HPSE2: variants seen among roughly 807,000 people sequenced by gnomAD.
HPSE2 encodes heparanase 2 (inactive), also known as inactive heparanase-2.
Under a neutral mutation model 60.5 loss-of-function variants are expected in HPSE2, and 38 were observed. The observed-to-expected ratio is 0.63, with a 90% CI of 0.48 to 0.82. The LOEUF (loss-of-function observed/expected upper bound fraction) is 0.82. Among genes scored for constraint, HPSE2 ranks in the 40% least tolerant of loss-of-function variants. The probability of loss-of-function intolerance (pLI) is 0.00; values close to 1 mark genes in which losing one functional copy is unlikely to be tolerated. For missense variants in HPSE2, 713 were observed against 740.4 expected, an observed-to-expected ratio of 0.96 and a Z score of 0.43; for synonymous variants, 295 against 293.2, an observed-to-expected ratio of 1.01 and a Z score of -0.06.
chr10:99,114,809 G>A (rs942751894), intron 3 of HPSE2, among the ~76,000 whole-genome samples: 11 of 151,004 alleles, frequency 7.3e-5, no homozygotes, highest in Non-Finnish European at 1.6e-4. Flanking sequence ...AGCTACTCGG[G>A]AGGCTGAGGC....
At chr10:99,053,539 A>G (rs1006634849) in intron 3 of HPSE2, among the ~76,000 whole-genome samples, 1 of 152,106 alleles carries the variant, frequency 6.6e-6, no homozygotes, top group Non-Finnish European at 1.5e-5. Flanking sequence ...TGTTGGTACT[A>G]CACCAGCCCT....
chr10:98,510,479 T>C (rs1448424454), intron 9 of HPSE2, among the ~76,000 whole-genome samples: 1 of 152,196 alleles, frequency 6.6e-6, no homozygotes, highest in Non-Finnish European at 1.5e-5. Flanking sequence ...CAGTAGAGTG[T>C]GCACTGCTAG....
chr10:98,706,853 C>G (rs1948561529), intron 5 of HPSE2, among the ~76,000 whole-genome samples: 1 of 152,146 alleles, frequency 6.6e-6, no homozygotes, highest in African/African-American at 2.4e-5. Context: ...CCCTTAACAA[C>G]AAGGTACAAG....
rs182481876 is a variant in HPSE2 at position 98,934,166 on chromosome 10, G to A, written c.611-190110C>T. 2.0e-4 allele frequency among the ~76,000 whole-genome samples: 29 copies of A among 144,274 alleles called. 5 individuals are homozygous for A. Among genetic ancestry groups the A allele is most frequent in the East Asian group, 3.9e-4 (2 of 5,096 alleles). 94.6% of individuals were successfully genotyped at this position (144,274 alleles called of 152,430 possible). On this transcript the variant is annotated intron_variant, in intron 3 of 11. Transcript: ENST00000370552. ...ATCCCTTTCTTATGAGTCTATGTGC[G>A]TCTTTGCACATGAGATGTGTCTCTT...
chr10:99,100,428 G>A (rs1843913737), intron 3 of HPSE2, among the ~76,000 whole-genome samples: 1 of 152,152 alleles, frequency 6.6e-6, no homozygotes, highest in Non-Finnish European at 1.5e-5. Context: ...GAAGTGAGAA[G>A]AGAAGTTTAG....
At position 98,487,727 on chromosome 10, in the gene HPSE2, G is replaced by A. The variant is rs920553391; in HGVS notation, c.1466+2324C>T. 4.6e-5 allele frequency among the ~76,000 whole-genome samples: 7 copies of A among 152,152 alleles called. No homozygotes were observed. The South Asian group carries it at 6.2e-4, about 14-fold the overall frequency. ...TGGGACAAATATTTTCAGAGTATTCGTCAAGGTTGAATAGTGTGAATCCAC... is the reference window on the plus strand; with the variant it reads ...TGGGACAAATATTTTCAGAGTATTCATCAAGGTTGAATAGTGTGAATCCAC... On this transcript the variant is annotated intron_variant, in intron 10 of 11. Coordinates refer to ENST00000370552, the MANE Select transcript of HPSE2 (RefSeq NM_021828.5).
the HPSE2 span, among the ~76,000 whole-genome samples, chr10:99,290,501 T>C: frequency 7.9e-5 from 12 of 152,200 alleles, no homozygotes; most frequent in African/African-American, 2.4e-4. Flanking sequence ...ATCCATCTCT[T>C]TACTGGAGAG....
chr10:99,001,545 T>C (rs1956776888), intron 3 of HPSE2, among the ~76,000 whole-genome samples: 1 of 152,080 alleles, frequency 6.6e-6, no homozygotes, highest in East Asian at 1.9e-4. Context: ...TCCAGGTTAG[T>C]AAAAAGAATA....
intron 9 of HPSE2, among the ~76,000 whole-genome samples, chr10:98,551,815 A>G (rs919420961): frequency 6.6e-6 from 1 of 152,220 alleles, no homozygotes; most frequent in African/African-American, 2.4e-5. Flanking sequence ...TAATTGATAC[A>G]GCACTGTATC....
chr10:98,497,288 A>G (rs566176931), intron 9 of HPSE2, among the ~76,000 whole-genome samples: 157 of 152,290 alleles, frequency 1.0e-3, no homozygotes, highest in African/African-American at 3.5e-3. Flanking sequence ...ATTGAGCAAA[A>G]TGACATTATT....
chr10:98,848,998 A>G lies in HPSE2; in HGVS notation c.611-104942T>C, dbSNP rs182689992. On this transcript the variant is annotated intron_variant, in intron 3 of 11. Coordinates refer to ENST00000370552, the MANE Select transcript of HPSE2 (RefSeq NM_021828.5). ...TTTTCACTTTGCAATTCCAACGCCC[A>G]CAGTCGAGTGGGAAAGACAAAAAAA... Among the ~76,000 whole-genome samples the G allele has an allele frequency of 3.7e-3, 558 of 150,224 alleles. 2 individuals are homozygous for G. Among genetic ancestry groups the G allele is most frequent in the African/African-American group, 0.013 (534 of 40,160 alleles).
At chr10:99,158,970 T>C (rs1470961739) in intron 2 of HPSE2, among the ~76,000 whole-genome samples, 6 of 152,114 alleles carry the variant, frequency 3.9e-5, no homozygotes, top group Non-Finnish European at 8.8e-5. Context: ...GACTGTCAGA[T>C]TGAGTTTCAA....
intron 11 of HPSE2, among the ~76,000 whole-genome samples, chr10:98,468,340 C>T (rs1940639307): frequency 6.6e-6 from 1 of 152,138 alleles, no homozygotes; most frequent in South Asian, 2.1e-4. Flanking sequence ...AGGAAAGGCT[C>T]TAAGACCGTC....
intron 3 of HPSE2, among the ~76,000 whole-genome samples, chr10:99,085,507 A>T (rs565788465): frequency 3.3e-5 from 5 of 152,298 alleles, no homozygotes; most frequent in Middle Eastern, 3.4e-3. Context: ...TTTTCACATC[A>T]CTTCTTTTCA....
the HPSE2 span, among the ~76,000 whole-genome samples, chr10:99,312,120 C>G: frequency 6.6e-6 from 1 of 152,292 alleles, no homozygotes; most frequent in East Asian, 1.9e-4. Flanking sequence ...AGAAAAAAAG[C>G]CATCTCCATA....
intron 3 of HPSE2, among the ~76,000 whole-genome samples, chr10:99,056,164 T>C (rs1320180466): frequency 6.6e-6 from 1 of 151,988 alleles, no homozygotes; most frequent in Non-Finnish European, 1.5e-5. Context: ...AATATGGAAC[T>C]ATTATAAACA....
chr10:98,751,146 C>T (rs1273704589), intron 3 of HPSE2, among the ~76,000 whole-genome samples: 1 of 152,118 alleles, frequency 6.6e-6, no homozygotes, highest in African/African-American at 2.4e-5. Context: ...CCCTCAAAGT[C>T]ACAGCTACCT....
intron 2 of HPSE2, among the ~76,000 whole-genome samples, chr10:99,215,564 C>A (rs1849092039): frequency 6.6e-6 from 1 of 152,152 alleles, no homozygotes; most frequent in Non-Finnish European, 1.5e-5. Context: ...CACCATGGCA[C>A]AAGTATACCT....
chr10:98,839,181 A>C (rs1951856764), intron 3 of HPSE2, among the ~76,000 whole-genome samples: 1 of 152,220 alleles, frequency 6.6e-6, no homozygotes. Flanking sequence ...ACAGCCATGC[A>C]ACACTAAGGC....
Sources: gnomAD v4.1 joint callset for allele counts (sites outside exome capture counted in the v4.1 genomes callset) on GRCh38, gnomAD v4.1.1 for gene constraint, MANE v1.5 for transcripts, NCBI Gene and HGNC (gene_info 2026-07-23, HGNC 2026-07-21) for gene names.